The following CEP128 variants were observed in gnomAD, a reference collection of about 807,000 sequenced individuals.
The protein encoded by CEP128 is centrosomal protein 128kDa.
A neutral mutation model predicts 156.7 loss-of-function variants in CEP128; 132 were observed. That is an observed-to-expected ratio of 0.84 (90% CI 0.73 to 0.97). CEP128 has a LOEUF of 0.97. Among genes scored for constraint, CEP128 ranks in the 50% least tolerant of loss-of-function variants. The pLI is 0.00. For synonymous variants in CEP128, 469 were observed against 448.9 expected (o/e 1.04, Z -0.57); for missense variants, 1,252 against 1,281.9 (o/e 0.98, Z 0.36).
intron 20 of CEP128, among the ~76,000 whole-genome samples, chr14:80,578,610 G>A (rs1891456359): frequency 6.6e-6 from 1 of 152,128 alleles, no homozygotes; most frequent in African/African-American, 2.4e-5. Flanking sequence ...AGGTTACCCA[G>A]TGAACCAGAA....
At chr14:80,683,167 A>G (rs1368784076) in intron 19 of CEP128, among the ~76,000 whole-genome samples, 1 of 152,204 alleles carries the variant, frequency 6.6e-6, no homozygotes, top group Non-Finnish European at 1.5e-5. Flanking sequence ...GTCCAACTTT[A>G]AAGGCACAGG....
At chr14:80,830,889 A>T (rs1885755007) in intron 13 of CEP128, 3 of 374,718 alleles carry the variant, frequency 8.0e-6, no homozygotes, top group Non-Finnish European at 1.4e-5. Flanking sequence ...CAAATTTAAA[A>T]ATAGTAAAGG....
chr14:80,918,838 T>C (rs1019731850), intron 2 of CEP128, among the ~76,000 whole-genome samples: 1 of 152,172 alleles, frequency 6.6e-6, no homozygotes, highest in Non-Finnish European at 1.5e-5. Context: ...AAGTGACATA[T>C]CTATACTAAT....
intron 19 of CEP128, among the ~76,000 whole-genome samples, chr14:80,623,399 T>A (rs996805654): frequency 6.6e-6 from 1 of 151,796 alleles, no homozygotes; most frequent in East Asian, 1.9e-4. Flanking sequence ...GCATGGCACA[T>A]GTATACATAT....
intron 20 of CEP128, 38 bp downstream of exon 20, chr14:80,580,336 T>C (rs1175940385): frequency 7.1e-7 from 1 of 1,405,582 alleles, no homozygotes. Context: ...AAACAAATGT[T>C]TTCATACCAA....
intron 19 of CEP128, among the ~76,000 whole-genome samples, chr14:80,692,228 G>A (rs980117495): frequency 3.9e-5 from 6 of 152,164 alleles, no homozygotes; most frequent in African/African-American, 1.2e-4. Context: ...TTGGTGGAGT[G>A]AGCAAAGCAG....
intron 19 of CEP128, among the ~76,000 whole-genome samples, chr14:80,668,957 C>T (rs1414597355): frequency 6.6e-6 from 1 of 152,182 alleles, no homozygotes; most frequent in African/African-American, 2.4e-5. Context: ...CCTTCCTGTT[C>T]TACCATGATT....
chr14:80,615,326 A>G (rs1427194099), intron 19 of CEP128, among the ~76,000 whole-genome samples: 3 of 152,212 alleles, frequency 2.0e-5, no homozygotes, highest in African/African-American at 7.2e-5. Context: ...ACTATGTGAT[A>G]TTAATTTTGC....
chr14:80,484,636 G>C (rs542755912), intron 14 of CEP128, among the ~76,000 whole-genome samples: 1 of 152,316 alleles, frequency 6.6e-6, no homozygotes, highest in South Asian at 2.1e-4. Context: ...CCTTAGGAAA[G>C]CAGGTAATTT....
chr14:80,933,388 C>T (rs1885592875), intron 2 of CEP128, among the ~76,000 whole-genome samples: 1 of 152,190 alleles, frequency 6.6e-6, no homozygotes, highest in Non-Finnish European at 1.5e-5. Flanking sequence ...CTCCTTTGGG[C>T]ACTGTCTGTC....
intron 9 of CEP128, among the ~76,000 whole-genome samples, chr14:80,846,767 A>T (rs1054123672): frequency 6.6e-6 from 1 of 152,204 alleles, no homozygotes; most frequent in Non-Finnish European, 1.5e-5. Context: ...AGATTACAAG[A>T]ATTTCATGAC....
intron 2 of CEP128, among the ~76,000 whole-genome samples, chr14:80,936,550 C>G (rs1230201068): frequency 6.6e-6 from 1 of 152,176 alleles, no homozygotes; most frequent in African/African-American, 2.4e-5. Context: ...GTGTGCATAT[C>G]CGATAAAGGC....
At chr14:80,577,914 A>T (rs1364845715) in intron 20 of CEP128, among the ~76,000 whole-genome samples, 1 of 152,094 alleles carries the variant, frequency 6.6e-6, no homozygotes, top group Non-Finnish European at 1.5e-5. Flanking sequence ...CTTTTATCCT[A>T]GGCCTTCCCC....
At position 80,740,149 on chromosome 14, in the gene CEP128, C is replaced by T. The variant is rs79860779; in HGVS notation, c.2806+2926G>A. 6.0e-3 allele frequency among the ~76,000 whole-genome samples: 910 copies of T among 151,734 alleles called. 10 individuals are homozygous for T. The highest frequency in any genetic ancestry group is 0.021 in the African/African-American group (857 of 41,372). The stretch of plus-strand genomic sequence containing the variant: ...TTATGGCTCCCCTATTAACTGTGCT[C>T]CTTTAGTGTTCTTTCATTACTTCCC... On this transcript the variant is annotated intron_variant, in intron 19 of 24. Coordinates refer to ENST00000555265, the MANE Select transcript of CEP128 (RefSeq NM_152446.5).
intron 19 of CEP128, among the ~76,000 whole-genome samples, chr14:80,654,408 A>G (rs186394255): frequency 3.9e-5 from 6 of 152,304 alleles, no homozygotes; most frequent in Admixed American, 2.6e-4. Flanking sequence ...AGAGGGGGAT[A>G]TGGGAAGTAA....
intron 19 of CEP128, among the ~76,000 whole-genome samples, chr14:80,599,398 G>A (rs955916724): frequency 3.3e-5 from 5 of 149,438 alleles, no homozygotes. Flanking sequence ...TCAGCCTCCT[G>A]AGTAGCTGGG....
intron 19 of CEP128, among the ~76,000 whole-genome samples, chr14:80,649,191 A>C (rs1894788621): frequency 6.6e-6 from 1 of 152,078 alleles, no homozygotes; most frequent in Non-Finnish European, 1.5e-5. Flanking sequence ...GTGCGCTCCA[A>C]AAGCAAGCAA....
intron 19 of CEP128, among the ~76,000 whole-genome samples, chr14:80,718,039 T>C (rs916926240): frequency 6.6e-6 from 1 of 152,140 alleles, no homozygotes; most frequent in Non-Finnish European, 1.5e-5. Context: ...GTTTTGTTTG[T>C]TTGTTTTCGG....
chr14:80,668,450 G>C lies in CEP128; in HGVS notation c.2806+74625C>G, dbSNP rs1354146766. ...TGTGTCACAAATTCTTGGCTGAAGA[G>C]TAAATTACAGAATTAGAAAATGACA... is the stretch of plus-strand genomic sequence containing the variant. On this transcript the variant is annotated intron_variant, in intron 19 of 24. Transcript: ENST00000555265. Among the ~76,000 whole-genome samples the C allele has an allele frequency of 1.3e-4, 20 of 152,194 alleles. No individual in the cohort carries two copies. In the East Asian group the frequency reaches 3.5e-3, roughly 26 times the overall value.
Sources: allele counts gnomAD v4.1 joint callset (sites outside exome capture counted in the v4.1 genomes callset), GRCh38; gene constraint gnomAD v4.1.1; transcripts MANE v1.5; gene names NCBI Gene and HGNC (gene_info 2026-07-23, HGNC 2026-07-21).